Variants in KIF3A observed in about 807,000 individuals in gnomAD.
The protein encoded by KIF3A is kinesin-like protein KIF3A.
In KIF3A, 27 loss-of-function variants were observed where a neutral mutation model predicts 92.6. The observed-to-expected ratio is 0.29, with a 90% CI of 0.21 to 0.40. KIF3A has a LOEUF of 0.40. Among genes scored for constraint, KIF3A ranks in the 10% least tolerant of loss-of-function variants. The probability of loss-of-function intolerance (pLI) is 1.00; values close to 1 mark genes in which losing one functional copy is unlikely to be tolerated. For missense variants in KIF3A, 581 were observed against 872.6 expected (o/e 0.67, Z 4.21); for synonymous variants, 250 against 275.4 (o/e 0.91, Z 0.92).
chr5:132,710,340 G>A (rs978599202), intron 9 of KIF3A, among the ~76,000 whole-genome samples: 3 of 152,202 alleles, frequency 2.0e-5, no homozygotes, highest in African/African-American at 7.2e-5. Context: ...GTTCCAGCCA[G>A]GCATGGTGGC....
Position 132,711,801 on chromosome 5 carries a change from C to T in KIF3A, c.1130-744G>A, listed in dbSNP as rs185904943. Among the ~76,000 whole-genome samples the T allele has an allele frequency of 3.7e-3, 557 of 151,958 alleles. 5 individuals carry two copies. The highest frequency in any genetic ancestry group is 0.012 in the African/African-American group (504 of 41,440). ...ACAGAACTGTCATGTAACAATGATC[C>T]CACTTTTAGGACTGTATCACAAGAT... On this transcript the variant is annotated intron_variant, in intron 8 of 18. Transcript: ENST00000403231.
At chr5:132,708,206 C>T (rs562832317) in intron 10 of KIF3A, among the ~76,000 whole-genome samples, 7 of 148,626 alleles carry the variant, frequency 4.7e-5, no homozygotes, top group African/African-American at 1.5e-4. Flanking sequence ...GGCGTGAACC[C>T]GGGAGGCGGA....
downstream of KIF3A, among the ~76,000 whole-genome samples, chr5:132,689,032 T>G (rs1752605352): frequency 6.6e-6 from 1 of 152,208 alleles, no homozygotes. Context: ...ATAACGTTGA[T>G]AAAAGTCACT....
At position 132,734,311 on chromosome 5, in the gene KIF3A, T is replaced by C; in HGVS notation, c.174A>G (p.Pro58=). The C allele has an allele frequency of 6.2e-7, 1 of 1,614,180 alleles. No individual in the cohort carries two copies. The part of the protein sequence containing the change: ...VHKTDSSNEP[P]KTFTFDTVFG... The stretch of plus-strand genomic sequence containing the variant: ...AAACAGTATCAAAAGTAAATGTCTT[T>C]GGAGGTTCATTGGAAGAATCAGTCT... The change falls in exon 2 of 19, where the codon CCA becomes CCG. Residue 58 remains proline, a synonymous_variant. Coordinates refer to ENST00000403231, the MANE Select transcript of KIF3A (RefSeq NM_001300791.2).
chr5:132,726,536 C>A (rs1286487333), intron 2 of KIF3A, 38 bp from the exon 3 acceptor site: 1 of 1,570,498 alleles, frequency 6.4e-7, no homozygotes, highest in Admixed American at 1.7e-5. Flanking sequence ...TTCTTAAAGT[C>A]TAATGCTACA....
intron 4 of KIF3A, among the ~76,000 whole-genome samples, chr5:132,725,925 T>C (rs1021725407): frequency 6.6e-6 from 1 of 152,156 alleles, no homozygotes; most frequent in Middle Eastern, 3.2e-3. Context: ...ATATCAAATT[T>C]ACCAATAATT....
At chr5:132,711,175 T>C (rs1753410762) in intron 8 of KIF3A, 118 bp from the exon 9 acceptor site, 3 of 849,892 alleles carry the variant, frequency 3.5e-6, no homozygotes, top group African/African-American at 3.3e-5. Context: ...CAAATTTAAA[T>C]ACTATTTAAA....
chr5:132,695,702 A>G lies in KIF3A; in HGVS notation c.*932T>C, dbSNP rs2149889334. On this transcript the variant is annotated 3_prime_UTR_variant, in exon 19 of 19. Transcript: ENST00000403231. The stretch of plus-strand genomic sequence containing the variant: ...AGTGTTTTAAAGGCAAAGTATTTAA[A>G]AGATATTTTTCTTGCTTAGCTGTAT... 1 of 152,466 alleles carries G rather than the reference A, an allele frequency of 6.6e-6. No individual in the cohort carries two copies. Among genetic ancestry groups the G allele is most frequent in the Non-Finnish European group, 1.5e-5 (1 of 68,024 alleles). 9.4% of individuals were successfully genotyped at this position (152,466 alleles called of 1,614,324 possible).
At chr5:132,711,142 C>T in intron 8 of KIF3A, 85 bp from the exon 9 acceptor site, 2 of 1,287,680 alleles carry the variant, frequency 1.6e-6, no homozygotes, top group Admixed American at 3.9e-5. Context: ...CTTTCTTCCT[C>T]AGATTTTTGT....
downstream of KIF3A, among the ~76,000 whole-genome samples, chr5:132,688,909 C>G (rs1366038087): frequency 6.6e-6 from 1 of 152,160 alleles, no homozygotes; most frequent in Non-Finnish European, 1.5e-5. Flanking sequence ...TAAAATTTCC[C>G]CAGCCCTCTA....
At chr5:132,711,598 A>C (rs967863281) in intron 8 of KIF3A, among the ~76,000 whole-genome samples, 3 of 152,068 alleles carry the variant, frequency 2.0e-5, no homozygotes, top group Non-Finnish European at 2.9e-5. Flanking sequence ...TCAAAAAAAA[A>C]AATAAAAATA....
intron 2 of KIF3A, among the ~76,000 whole-genome samples, chr5:132,730,752 C>T (rs1448030490): frequency 6.6e-6 from 1 of 152,068 alleles, no homozygotes; most frequent in African/African-American, 2.4e-5. Flanking sequence ...CATGATCACA[C>T]CACTGCACTC....
intron 1 of KIF3A, 54 bp from the exon 2 acceptor site, chr5:132,734,532 T>G: frequency 6.7e-7 from 1 of 1,497,240 alleles, no homozygotes; most frequent in Non-Finnish European, 9.0e-7. Flanking sequence ...TTTACCCTCA[T>G]CAGATTAAAT....
intron 4 of KIF3A, among the ~76,000 whole-genome samples, chr5:132,724,805 AAATATATATATATATATATATAT>A (rs1279777023): frequency 1.2e-4 from 2 of 16,698 alleles, no homozygotes; most frequent in African/African-American, 1.8e-4. Flanking sequence ...AAAAAAAAAA[AAATATATATATATATATATATAT>A]ATATATATAT....
intron 2 of KIF3A, among the ~76,000 whole-genome samples, chr5:132,728,494 G>C (rs1041214506): frequency 6.6e-6 from 1 of 151,960 alleles, no homozygotes; most frequent in South Asian, 2.1e-4. Context: ...CCAGAACTTT[G>C]GGGAGGCCAA....
At chr5:132,701,262 C>G (rs888845089) in intron 15 of KIF3A, among the ~76,000 whole-genome samples, 1 of 151,886 alleles carries the variant, frequency 6.6e-6, no homozygotes, top group Admixed American at 6.6e-5. Context: ...TTTTGGGAGG[C>G]CAAAACGGGC....
chr5:132,730,421 C>A (rs955600183), intron 2 of KIF3A, among the ~76,000 whole-genome samples: 29 of 150,586 alleles, frequency 1.9e-4, no homozygotes, highest in African/African-American at 7.1e-4. Flanking sequence ...GAGCCGAGAT[C>A]GCGCCACTGC....
intron 2 of KIF3A, among the ~76,000 whole-genome samples, chr5:132,729,294 A>T (rs559765373): frequency 4.9e-4 from 74 of 151,790 alleles, no homozygotes; most frequent in African/African-American, 1.7e-3. Flanking sequence ...AACTAAATTT[A>T]AAAAAAAATT....
At position 132,726,365 on chromosome 5, in the gene KIF3A, C is replaced by T. The variant is rs756586348; in HGVS notation, c.414G>A (p.Glu138=). The T allele has an allele frequency of 1.2e-6, 2 of 1,613,658 alleles. No homozygotes were observed. Among genetic ancestry groups the T allele is most frequent in the Non-Finnish European group, 1.7e-6 (2 of 1,179,732 alleles). ...AHIFGHIAKA[E]GDTRFLVRVS... is the part of the protein sequence containing the mutation. ...GAATTCCCTTTTACCTTGTATCACC[C>T]TCCGCTTTTGCAATATGACCAAATA... Residue 138 remains glutamate (E), a synonymous_variant, in exon 3 of 19, where the codon GAG becomes GAA. Coordinates refer to ENST00000403231, the MANE Select transcript of KIF3A (RefSeq NM_001300791.2).
Sources: gnomAD v4.1 joint callset for allele counts (sites outside exome capture counted in the v4.1 genomes callset) on GRCh38, gnomAD v4.1.1 for gene constraint, MANE v1.5 for transcripts, NCBI Gene and HGNC (gene_info 2026-07-23, HGNC 2026-07-21) for gene names.